The following NOD1 variants were observed in gnomAD, a reference collection of about 807,000 sequenced individuals.
NOD1 encodes the protein nucleotide-binding oligomerization domain-containing protein 1.
Under a neutral mutation model 81.2 loss-of-function variants are expected in NOD1, and 70 were observed. The ratio of observed to expected loss-of-function variants is 0.86; its 90% CI spans 0.71 to 1.05. NOD1 has a LOEUF of 1.05. Ranked by LOEUF, NOD1 falls within the 50% of genes least tolerant of loss-of-function variation. The pLI is 0.00. For missense variants in NOD1, 1,233 were observed against 1,228.0 expected, an observed-to-expected ratio of 1.00 and a Z score of -0.06; for synonymous variants, 508 against 526.9, an observed-to-expected ratio of 0.96 and a Z score of 0.49.
At position 30,425,578 on chromosome 7, in the gene NOD1, A is replaced by G. The variant is rs1783373725; in HGVS notation, c.*60T>C. ...AAGACACTGACACAAAAGACTGCCC[A>G]GAGTGGCATTTGCTGCTGAGGCTCC... On this transcript the variant is annotated 3_prime_UTR_variant, in exon 14 of 14. Transcript: ENST00000222823. 4 of 1,233,068 alleles carry G rather than the reference A, an allele frequency of 3.2e-6. No homozygotes were observed. Among genetic ancestry groups the G allele is most frequent in the Non-Finnish European group, 2.4e-6 (2 of 832,042 alleles). 76.4% of individuals were successfully genotyped at this position (1,233,068 alleles called of 1,614,324 possible). A position where few individuals can be genotyped will look rare whatever the true frequency, so the allele number is the denominator to read the frequency against.
At chr7:30,453,366 C>A (rs1786001001) in intron 5 of NOD1, among the ~76,000 whole-genome samples, 1 of 152,174 alleles carries the variant, frequency 6.6e-6, no homozygotes, top group South Asian at 2.1e-4. Flanking sequence ...TGCAGCTAAA[C>A]ACTGAAGCCC....
chr7:30,435,460 G>C (rs902551607), intron 11 of NOD1, among the ~76,000 whole-genome samples: 2 of 152,168 alleles, frequency 1.3e-5, no homozygotes, highest in African/African-American at 4.8e-5. Flanking sequence ...GGCCTAGAAG[G>C]CCAAGGCCTC....
At chr7:30,447,138 A>C in intron 7 of NOD1, 88 bp from the exon 8 acceptor site, 1 of 1,604,740 alleles carries the variant, frequency 6.2e-7, no homozygotes, top group Non-Finnish European at 8.5e-7. Context: ...GTGTCTACTG[A>C]TTTCCAAAGT....
At chr7:30,470,665 T>C (rs554079104) in intron 1 of NOD1, among the ~76,000 whole-genome samples, 1 of 152,310 alleles carries the variant, frequency 6.6e-6, no homozygotes, top group East Asian at 1.9e-4. Context: ...GTCAAAAGCA[T>C]TGCCTGTGCG....
rs1235004472 is a variant in NOD1, at chr7:30,452,033, A to T, written c.1384T>A (p.Ser462Thr). 6.2e-7 allele frequency: 1 copy of T among 1,613,524 alleles called. No individual in the cohort carries two copies. The highest frequency in any genetic ancestry group is 1.6e-4 in the Middle Eastern group (1 of 6,062). Residue 462 changes from serine to threonine, a missense_variant, in exon 6 of 14, where the codon TCG (serine) becomes ACG (threonine). Coordinates refer to ENST00000222823, the MANE Select transcript of NOD1 (RefSeq NM_006092.4). ...TLHAGRDTLC[S>T]LGQVAHRGME... ...CCCCGGTGGGCCACCTGCCCCAGCG[A>T]GCACAGAGTGTCCCGGCCGGCGTGG...
chr7:30,461,472 C>A (rs1415371028), intron 1 of NOD1, among the ~76,000 whole-genome samples: 1 of 152,294 alleles, frequency 6.6e-6, no homozygotes, highest in East Asian at 1.9e-4. Context: ...GCCACTGCAC[C>A]CAGCCCATCA....
At chr7:30,438,209 G>A (rs906424107) in intron 9 of NOD1, among the ~76,000 whole-genome samples, 4 of 152,226 alleles carry the variant, frequency 2.6e-5, no homozygotes, top group Non-Finnish European at 5.9e-5. Flanking sequence ...TGTGGCTACG[G>A]CCATCTTGGT....
chr7:30,453,094 C>T, intron 5 of NOD1, 54 bp from the exon 6 acceptor site: 1 of 1,539,138 alleles, frequency 6.5e-7, no homozygotes, highest in South Asian at 1.2e-5. Flanking sequence ...GAGGCAGAAA[C>T]AGCATCAAAC....
At chr7:30,439,298 T>A (rs1470124892) in intron 9 of NOD1, among the ~76,000 whole-genome samples, 1 of 140,800 alleles carries the variant, frequency 7.1e-6, no homozygotes, top group Non-Finnish European at 1.5e-5. Flanking sequence ...GCTCCCAGCG[T>A]GAGCGACGCA....
chr7:30,438,739 G>A (rs932076408), intron 9 of NOD1, among the ~76,000 whole-genome samples: 2 of 152,136 alleles, frequency 1.3e-5, no homozygotes, highest in Non-Finnish European at 2.9e-5. Context: ...AGCTACTCAA[G>A]GCATGAGATT....
intron 13 of NOD1, among the ~76,000 whole-genome samples, chr7:30,428,255 T>C (rs1249713822): frequency 1.3e-5 from 2 of 151,882 alleles, no homozygotes; most frequent in Non-Finnish European, 2.9e-5. Context: ...AGTGACGGGG[T>C]TTCGCATGTT....
intron 11 of NOD1, 133 bp downstream of exon 11, chr7:30,435,865 G>A: frequency 1.5e-6 from 1 of 683,366 alleles, no homozygotes; most frequent in Non-Finnish European, 2.5e-6. Flanking sequence ...GGCCAAGGCG[G>A]GAGGTTCGAA....
At chr7:30,465,464 C>CA (rs1264478650) in intron 1 of NOD1, among the ~76,000 whole-genome samples, 1 of 152,190 alleles carries the variant, frequency 6.6e-6, no homozygotes, top group Non-Finnish European at 1.5e-5. Context: ...AATCACCCAG[C>CA]AGAGGTTTCC....
intron 12 of NOD1, among the ~76,000 whole-genome samples, chr7:30,431,679 C>T (rs1407927102): frequency 6.6e-6 from 1 of 152,156 alleles, no homozygotes; most frequent in African/African-American, 2.4e-5. Context: ...TGAGGGGAAA[C>T]AACTATAACG....
chr7:30,462,767 T>C (rs1314429512), intron 1 of NOD1, among the ~76,000 whole-genome samples: 8 of 151,948 alleles, frequency 5.3e-5, no homozygotes, highest in Non-Finnish European at 1.2e-4. Flanking sequence ...TGGCCAACAT[T>C]GTGAAACCCT....
Position 30,437,774 on chromosome 7 carries a change from A to T in NOD1, c.2454-118T>A, listed in dbSNP as rs1583686179. 9 of 661,832 alleles carry T rather than the reference A, an allele frequency of 1.4e-5. No individual in the cohort carries two copies. The East Asian group carries it at 3.1e-4, about 23-fold the overall frequency. 41.0% of individuals were successfully genotyped at this position (661,832 alleles called of 1,614,324 possible). On this transcript the variant is annotated intron_variant, in intron 9 of 13. Transcript: ENST00000222823. ...ACTCAACAGGCAGATGTTTGTGCCC[A>T]GTCCCTGGATCTGTGGCCTGGACAC...
intron 12 of NOD1, among the ~76,000 whole-genome samples, chr7:30,430,708 G>GC (rs1163567299): frequency 6.6e-6 from 1 of 152,180 alleles, no homozygotes; most frequent in African/African-American, 2.4e-5. Flanking sequence ...CTATAAGAGT[G>GC]CCCCCCATCC....
At position 30,448,628 on chromosome 7, in the gene NOD1, G is replaced by A. The variant is rs551226017; in HGVS notation, c.2202-247C>T. Among the ~76,000 whole-genome samples the A allele has an allele frequency of 7.9e-5, 12 of 152,312 alleles. No homozygotes were observed. The South Asian group carries it at 1.9e-3, about 24-fold the overall frequency. On this transcript the variant is annotated intron_variant, in intron 6 of 13. Transcript: ENST00000222823. Reference sequence around the variant, plus strand: ...ACAGCCCCTGGCTCCTCACACGACCGTGAAGGACACAGGGAGGACGTGTGA... The same window carrying A: ...ACAGCCCCTGGCTCCTCACACGACCATGAAGGACACAGGGAGGACGTGTGA...
intron 1 of NOD1, among the ~76,000 whole-genome samples, chr7:30,474,169 G>A (rs1178604081): frequency 6.6e-6 from 1 of 152,220 alleles, no homozygotes; most frequent in African/African-American, 2.4e-5. Flanking sequence ...CTTATCTGAA[G>A]TCACACAACT....
Sources: gnomAD v4.1 joint callset for allele counts (sites outside exome capture counted in the v4.1 genomes callset) on GRCh38, gnomAD v4.1.1 for gene constraint, MANE v1.5 for transcripts, NCBI Gene and HGNC (gene_info 2026-07-23, HGNC 2026-07-21) for gene names.